The following CDK8 variants were observed in gnomAD, a reference collection of about 807,000 sequenced individuals.
CDK8 encodes the protein cyclin-dependent kinase 8.
A neutral mutation model predicts 71.5 loss-of-function variants in CDK8; 29 were observed. That is an observed-to-expected ratio of 0.41 (90% CI 0.30 to 0.55). The LOEUF (loss-of-function observed/expected upper bound fraction) is 0.55. CDK8 is among the 20% of genes least tolerant of loss of function. The pLI is 0.37. For missense variants in CDK8, 288 were observed against 572.6 expected (o/e 0.50, Z 5.07); for synonymous variants, 161 against 192.1 (o/e 0.84, Z 1.34).
chr13:26,332,562 T>A (rs1399519091), intron 1 of CDK8, among the ~76,000 whole-genome samples: 1 of 152,084 alleles, frequency 6.6e-6, no homozygotes, highest in Middle Eastern at 3.4e-3. Flanking sequence ...TTTTGAGGAC[T>A]TTTATTTCTT....
intron 4 of CDK8, among the ~76,000 whole-genome samples, chr13:26,360,880 C>G (rs1487171601): frequency 6.6e-6 from 1 of 152,146 alleles, no homozygotes; most frequent in Non-Finnish European, 1.5e-5. Context: ...AAGCTTCCCC[C>G]CATCCGTCTG....
At chr13:26,399,001 G>T (rs1876126122) in intron 9 of CDK8, among the ~76,000 whole-genome samples, 1 of 150,166 alleles carries the variant, frequency 6.7e-6, no homozygotes, top group South Asian at 2.1e-4. Context: ...TGTAAAATTT[G>T]TCATCTTTCT....
At chr13:26,387,032 G>A (rs567808657) in intron 6 of CDK8, among the ~76,000 whole-genome samples, 24 of 152,044 alleles carry the variant, frequency 1.6e-4, no homozygotes, top group South Asian at 4.1e-4. Context: ...ACTCAGTGTC[G>A]TCAGATGTTA....
At chr13:26,273,630 TA>T (rs140947569) in intron 1 of CDK8, among the ~76,000 whole-genome samples, 8,008 of 152,018 alleles carry the variant, frequency 0.053, 294 homozygotes, top group Non-Finnish European at 0.086. Context: ...TGTAAAACAT[TA>T]GCCATCATAT....
rs927439269 is a variant in CDK8, at chr13:26,254,806, C to T, written c.128+37C>T. The T allele has an allele frequency of 2.5e-6, 4 of 1,600,552 alleles. No homozygotes were observed. The highest frequency in any genetic ancestry group is 8.5e-7 in the Non-Finnish European group (1 of 1,172,206). On this transcript the variant is annotated intron_variant, in intron 1 of 12. Coordinates refer to ENST00000381527, the MANE Select transcript of CDK8 (RefSeq NM_001260.3). The surrounding 1 kb of genome is among the most constrained non-coding windows in gnomAD (Gnocchi z 6.7). ...TGTCTGGGCCGGTGTCCGCGCTGGG[C>T]GGCGCTCCCGCAGGCCGAGGCAGGT...
intron 2 of CDK8, among the ~76,000 whole-genome samples, chr13:26,345,085 G>A (rs1365150862): frequency 6.6e-6 from 1 of 152,164 alleles, no homozygotes; most frequent in African/African-American, 2.4e-5. Flanking sequence ...TATTATGAAG[G>A]TTGTGTGTCA....
In CDK8 at chr13:26,374,095, A is replaced by G. The variant is rs1006098998; in HGVS notation, c.457-8719A>G. Among the ~76,000 whole-genome samples, 17 of 151,270 alleles carry G rather than the reference A, an allele frequency of 1.1e-4. 1 individual carries two copies. The highest frequency in any genetic ancestry group is 3.9e-4 in the African/African-American group (16 of 41,260). The stretch of plus-strand genomic sequence containing the variant: ...GGGTGCCTGTAGTCCCAGCTGCTCG[A>G]GAGGCTGAGGCAGGAGAATGGCGTG... On this transcript the variant is annotated intron_variant, in intron 4 of 12. Transcript: ENST00000381527.
At chr13:26,341,206 A>T (rs1873224484) in intron 2 of CDK8, among the ~76,000 whole-genome samples, 1 of 152,076 alleles carries the variant, frequency 6.6e-6, no homozygotes, top group African/African-American at 2.4e-5. Context: ...GGCTCACTGC[A>T]ATCTCTGCCT....
chr13:26,262,071 C>T (rs149472334), intron 1 of CDK8, among the ~76,000 whole-genome samples: 285 of 152,250 alleles, frequency 1.9e-3, no homozygotes, highest in African/African-American at 6.5e-3. Context: ...TTTTTTTTGT[C>T]TCAGGCAGCA....
chr13:26,254,911 T>G lies in CDK8; in HGVS notation c.128+142T>G, dbSNP rs1029075149. On this transcript the variant is annotated intron_variant, in intron 1 of 12. Transcript: ENST00000381527. The surrounding 1 kb of genome is among the most constrained non-coding windows in gnomAD (Gnocchi z 6.7). Reference sequence around the variant, plus strand: ...GGCCTCTGGCTCCGCCAGCCAGGTTTGGGGAGGAAGTGGTGTACGAGGGAT... The same window carrying G: ...GGCCTCTGGCTCCGCCAGCCAGGTTGGGGGAGGAAGTGGTGTACGAGGGAT... 6 of 1,247,620 alleles carry G rather than the reference T, an allele frequency of 4.8e-6. No individual in the cohort carries two copies. The highest frequency in any genetic ancestry group is 6.6e-6 in the Non-Finnish European group (6 of 905,328). The allele number at this position is 1,247,620 out of a possible 1,614,324, so 77.3% of individuals were successfully genotyped here. A position where few individuals can be genotyped will look rare whatever the true frequency, so the allele number is the denominator to read the frequency against.
chr13:26,383,136 G>T (rs1593303001), intron 5 of CDK8, among the ~76,000 whole-genome samples: 1 of 152,158 alleles, frequency 6.6e-6, no homozygotes, highest in East Asian at 1.9e-4. Flanking sequence ...GGCCTATAGA[G>T]GTGAGGGGCT....
intron 1 of CDK8, among the ~76,000 whole-genome samples, chr13:26,308,008 GT>G (rs1171339958): frequency 6.6e-6 from 1 of 152,118 alleles, no homozygotes; most frequent in Non-Finnish European, 1.5e-5. Context: ...CAGATACACA[GT>G]TGTTGTTGTT....
intron 1 of CDK8, among the ~76,000 whole-genome samples, chr13:26,316,882 A>G (rs1874536680): frequency 6.6e-6 from 1 of 152,186 alleles, no homozygotes; most frequent in Non-Finnish European, 1.5e-5. Flanking sequence ...CAACTAGATA[A>G]AGACTTTTAA....
intron 4 of CDK8, among the ~76,000 whole-genome samples, chr13:26,363,030 G>A (rs1874218961): frequency 6.7e-6 from 1 of 148,532 alleles, no homozygotes; most frequent in South Asian, 2.1e-4. Flanking sequence ...TCAATTACAA[G>A]ATTGTATAGA....
intron 1 of CDK8, among the ~76,000 whole-genome samples, chr13:26,297,906 C>T (rs1223416840): frequency 6.6e-6 from 1 of 152,130 alleles, no homozygotes; most frequent in African/African-American, 2.4e-5. Context: ...GATTCTCCCT[C>T]AGGGTTATAG....
intron 9 of CDK8, among the ~76,000 whole-genome samples, chr13:26,398,969 A>AG (rs1876123645): frequency 6.6e-6 from 1 of 151,662 alleles, no homozygotes; most frequent in Admixed American, 6.6e-5. Flanking sequence ...TCTCAAAAAA[A>AG]AAAAAAAATG....
intron 6 of CDK8, among the ~76,000 whole-genome samples, chr13:26,392,307 C>T (rs1875783100): frequency 6.9e-6 from 1 of 145,888 alleles, no homozygotes; most frequent in Non-Finnish European, 1.5e-5. Context: ...GTCAATAATT[C>T]ATTTGAATTT....
At chr13:26,323,478 C>T (rs900779495) in intron 1 of CDK8, among the ~76,000 whole-genome samples, 2 of 152,098 alleles carry the variant, frequency 1.3e-5, no homozygotes, top group Non-Finnish European at 2.9e-5. Flanking sequence ...CTCCCCAAGG[C>T]CCATATCCAA....
At chr13:26,335,685 ACTT>A (rs1278639983) in intron 1 of CDK8, among the ~76,000 whole-genome samples, 4 of 151,838 alleles carry the variant, frequency 2.6e-5, no homozygotes, top group African/African-American at 4.8e-5. Flanking sequence ...ATTGTCTTTA[ACTT>A]CTTCTTCCTT....
Sources: allele counts gnomAD v4.1 joint callset (sites outside exome capture counted in the v4.1 genomes callset), GRCh38; gene constraint gnomAD v4.1.1; non-coding constraint Gnocchi (gnomAD v3.1); transcripts MANE v1.5; gene names NCBI Gene and HGNC (gene_info 2026-07-23, HGNC 2026-07-21).